The following RALGAPB variants were observed in gnomAD, a reference collection of about 807,000 sequenced individuals.
RALGAPB encodes the protein ral GTPase-activating protein subunit beta.
Under a neutral mutation model 161.1 loss-of-function variants are expected in RALGAPB, and 25 were observed. The ratio of observed to expected loss-of-function variants is 0.16; its 90% CI spans 0.11 to 0.22. The LOEUF is 0.22. RALGAPB is among the 10% of genes least tolerant of loss of function. The pLI is 1.00. For missense variants in RALGAPB, 1,391 were observed against 1,815.2 expected (o/e 0.77, Z 4.25); for synonymous variants, 629 against 626.1 (o/e 1.00, Z -0.07).
chr20:38,499,333 A>G, intron 4 of RALGAPB, 114 bp from the exon 5 acceptor site: 1 of 998,132 alleles, frequency 1.0e-6, no homozygotes, highest in Non-Finnish European at 1.5e-6. Flanking sequence ...TTGAAAGTCA[A>G]AACTTAATAT....
At chr20:38,511,214 A>G (rs6015245) in intron 6 of RALGAPB, among the ~76,000 whole-genome samples, 2 of 152,236 alleles carry the variant, frequency 1.3e-5, no homozygotes, top group African/African-American at 4.8e-5. Flanking sequence ...ACAGAGAAGA[A>G]AAGAGAAAGT....
At chr20:38,495,062 T>C (rs1345750378) in intron 3 of RALGAPB, among the ~76,000 whole-genome samples, 3 of 152,240 alleles carry the variant, frequency 2.0e-5, no homozygotes, top group African/African-American at 4.8e-5. Context: ...GCTAATGTTT[T>C]AGGAAAATTA....
At chr20:38,568,431 T>C (rs1017520524) in intron 26 of RALGAPB, 16 of 152,318 alleles carry the variant, frequency 1.1e-4, no homozygotes, top group East Asian at 9.6e-4. Flanking sequence ...ATTATACTTA[T>C]ACATTGTACA....
intron 4 of RALGAPB, among the ~76,000 whole-genome samples, chr20:38,498,985 A>T (rs1327453543): frequency 6.6e-6 from 1 of 152,198 alleles, no homozygotes; most frequent in African/African-American, 2.4e-5. Context: ...AAACTTTCTG[A>T]ATCTAAGTTT....
At chr20:38,537,802 C>T (rs921155108) in intron 16 of RALGAPB, 1 of 152,106 alleles carries the variant, frequency 6.6e-6, no homozygotes, top group Admixed American at 6.5e-5. Flanking sequence ...ATAGCATCTT[C>T]AGAAATAAAC....
intron 26 of RALGAPB, chr20:38,569,227 C>G (rs1490039862): frequency 1.3e-5 from 2 of 152,264 alleles, no homozygotes; most frequent in African/African-American, 4.8e-5. Context: ...TTGTTTAGGG[C>G]TTTAGCACAA....
chr20:38,526,127 A>G, intron 13 of RALGAPB, 85 bp downstream of exon 13: 1 of 1,420,630 alleles, frequency 7.0e-7, no homozygotes, highest in South Asian at 1.2e-5. Context: ...CGGTAATGGG[A>G]GCCTAAACCT....
At chr20:38,529,894 T>G (rs1568945927) in intron 13 of RALGAPB, among the ~76,000 whole-genome samples, 1 of 152,152 alleles carries the variant, frequency 6.6e-6, no homozygotes, top group Non-Finnish European at 1.5e-5. Context: ...CTGTATTTAT[T>G]GATACCATAA....
intron 6 of RALGAPB, 72 bp downstream of exon 6, chr20:38,509,280 C>T: frequency 6.7e-7 from 1 of 1,497,638 alleles, no homozygotes; most frequent in Non-Finnish European, 9.2e-7. Flanking sequence ...TGCTGTAAGT[C>T]TCTTGTTTGA....
chr20:38,526,991 G>A (rs978692100), intron 13 of RALGAPB, among the ~76,000 whole-genome samples: 1 of 152,164 alleles, frequency 6.6e-6, no homozygotes, highest in African/African-American at 2.4e-5. Context: ...TCTTAGGAAA[G>A]TAGGGCTTTC....
At chr20:38,521,765 G>T (rs1006037801) in intron 10 of RALGAPB, 67 bp downstream of exon 10, 152 of 1,511,014 alleles carry the variant, frequency 1.0e-4, no homozygotes, top group Middle Eastern at 4.1e-4. Context: ...TTGGTTGGCC[G>T]ACTGAACCGA....
At position 38,570,800 on chromosome 20, in the gene RALGAPB, G is replaced by A. The variant is rs139543103; in HGVS notation, c.4095G>A (p.Glu1365=). 0.013 allele frequency: 20,235 copies of A among 1,608,878 alleles called. 159 individuals are homozygous for A. Among genetic ancestry groups the A allele is most frequent in the Non-Finnish European group, 0.015 (18,041 of 1,175,774 alleles). ...TTCCCCTCTCAGAGCTGATGACAGA[G>A]ATCAGTACTGGTGTGGAAACTACTG... The part of the protein sequence containing the change: ...ENFPLSELMT[E]ISTGVETTAN... Residue 1365 remains glutamate, a synonymous_variant, in exon 28 of 30, where the codon GAG becomes GAA. Transcript: ENST00000262879.
In RALGAPB at chr20:38,516,273, G is replaced by C; in HGVS notation, c.954G>C (p.Met318Ile). 6.2e-7 allele frequency: 1 copy of C among 1,613,718 alleles called. No individual in the cohort carries two copies. Among genetic ancestry groups the C allele is most frequent in the Non-Finnish European group, 8.5e-7 (1 of 1,179,710 alleles). The change falls in exon 7 of 30, where the codon ATG becomes ATC. Residue 318 changes from methionine (M) to isoleucine (I), a missense_variant. Around this residue, in one of 3 missense-constraint regions of RALGAPB, gnomAD observed 946 missense variants for 1,257.2 expected, o/e 0.75. Transcript: ENST00000262879. ...FQEQFLNVSG[M>I]PQELNQYPCL... is the part of the protein sequence containing the mutation. ...AACAGTTCTTGAATGTGAGCGGAAT[G>C]CCGCAAGAATTGAATCAGTATCCCT...
chr20:38,511,077 G>C (rs1341854146), intron 6 of RALGAPB, among the ~76,000 whole-genome samples: 1 of 152,086 alleles, frequency 6.6e-6, no homozygotes, highest in Non-Finnish European at 1.5e-5. Context: ...CTAGCAGATG[G>C]GGAACAGAGA....
intron 27 of RALGAPB, among the ~76,000 whole-genome samples, chr20:38,570,253 G>A (rs1306543060): frequency 6.6e-6 from 1 of 152,156 alleles, no homozygotes; most frequent in Non-Finnish European, 1.5e-5. Context: ...GGCTATTCAT[G>A]TTGGCATCAC....
intron 1 of RALGAPB, among the ~76,000 whole-genome samples, chr20:38,479,865 C>T (rs1194035411): frequency 2.0e-5 from 3 of 152,192 alleles, no homozygotes. Flanking sequence ...ATATGGTAGC[C>T]ACATTGGAGT....
intron 20 of RALGAPB, among the ~76,000 whole-genome samples, chr20:38,550,434 C>T (rs2087337385): frequency 6.6e-6 from 1 of 152,130 alleles, no homozygotes. Flanking sequence ...GTGTTTATCA[C>T]CCAGTCCTCC....
At chr20:38,530,230 C>T (rs1006268030) in intron 13 of RALGAPB, among the ~76,000 whole-genome samples, 1 of 152,200 alleles carries the variant, frequency 6.6e-6, no homozygotes, top group African/African-American at 2.4e-5. Context: ...TACTCATTAA[C>T]ACTTGAGCTC....
intron 1 of RALGAPB, among the ~76,000 whole-genome samples, chr20:38,477,697 T>C: frequency 6.6e-6 from 1 of 152,190 alleles, no homozygotes; most frequent in East Asian, 1.9e-4. Flanking sequence ...GCATGTCTTA[T>C]AATGTGTACC....
Sources: allele counts gnomAD v4.1 joint callset (sites outside exome capture counted in the v4.1 genomes callset), GRCh38; gene constraint gnomAD v4.1.1; regional missense constraint gnomAD v4.1.1; transcripts MANE v1.5; gene names NCBI Gene and HGNC (gene_info 2026-07-23, HGNC 2026-07-21).